ATXN8OS: variants seen among roughly 807,000 people sequenced by gnomAD.
ATXN8OS encodes ATXN8 opposite strand lncRNA.
chr13:70,151,294 C>A (rs1274403132), intron 4 of ATXN8OS, among the ~76,000 whole-genome samples: 1 of 152,050 alleles, frequency 6.6e-6, no homozygotes, highest in African/African-American at 2.4e-5. Context: ...CACAATTCTT[C>A]ATTTCTTCTT....
At chr13:70,153,662 T>C (rs1446860014) in intron 4 of ATXN8OS, among the ~76,000 whole-genome samples, 1 of 152,156 alleles carries the variant, frequency 6.6e-6, no homozygotes, top group Non-Finnish European at 1.5e-5. Context: ...TACTCTTCTT[T>C]ATTGTTGTTG....
At chr13:70,121,604 T>C (rs978265970) in intron 2 of ATXN8OS, among the ~76,000 whole-genome samples, 30 of 152,044 alleles carry the variant, frequency 2.0e-4, no homozygotes, top group African/African-American at 6.8e-4. Flanking sequence ...AGCTGGAGGG[T>C]ATTAATGCTT....
chr13:70,119,915 C>A (rs1248396941), intron 2 of ATXN8OS, among the ~76,000 whole-genome samples: 2 of 150,960 alleles, frequency 1.3e-5, no homozygotes, highest in Non-Finnish European at 1.5e-5. Context: ...AAATATTTCA[C>A]AAAAAAAAAT....
intron 1 of ATXN8OS, among the ~76,000 whole-genome samples, chr13:70,111,945 C>T (rs557482942): frequency 6.6e-6 from 1 of 152,170 alleles, no homozygotes; most frequent in African/African-American, 2.4e-5. Context: ...AATTTTTGCA[C>T]TGCTATAAAG....
intron 4 of ATXN8OS, among the ~76,000 whole-genome samples, chr13:70,159,233 T>C (rs1888973439): frequency 6.6e-6 from 1 of 152,048 alleles, no homozygotes; most frequent in African/African-American, 2.4e-5. Context: ...AATTAAATTA[T>C]ATTCATATAT....
At chr13:70,117,396 C>T (rs1476124675) in intron 2 of ATXN8OS, among the ~76,000 whole-genome samples, 2 of 152,022 alleles carry the variant, frequency 1.3e-5, no homozygotes, top group Non-Finnish European at 2.9e-5. Context: ...TTTCCTGGTG[C>T]ATTTCAAATT....
intron 1 of ATXN8OS, among the ~76,000 whole-genome samples, chr13:70,109,567 CACAAAAG>C (rs1186702868): frequency 2.6e-5 from 4 of 152,134 alleles, no homozygotes; most frequent in Non-Finnish European, 5.9e-5. Context: ...AAATTAAGTG[CACAAAAG>C]ACCTATTTTT....
intron 1 of ATXN8OS, chr13:70,108,603 G>C (rs1160565074): frequency 2.6e-5 from 4 of 152,188 alleles, no homozygotes; most frequent in Admixed American, 6.5e-5. Flanking sequence ...TTGTCCCCTT[G>C]CGTGGGTCTT....
At chr13:70,121,076 A>T (rs950747631) in intron 2 of ATXN8OS, among the ~76,000 whole-genome samples, 41 of 147,896 alleles carry the variant, frequency 2.8e-4, no homozygotes, top group Non-Finnish European at 7.6e-5. Flanking sequence ...TATAATAAAA[A>T]AAAAAGAGAG....
intron 4 of ATXN8OS, among the ~76,000 whole-genome samples, chr13:70,168,698 G>C (rs917308274): frequency 6.7e-6 from 1 of 149,288 alleles, no homozygotes; most frequent in South Asian, 2.1e-4. Context: ...TTCTATTCAT[G>C]TTGCTACAAA....
At chr13:70,168,493 A>G (rs1889105334) in intron 4 of ATXN8OS, among the ~76,000 whole-genome samples, 2 of 151,830 alleles carry the variant, frequency 1.3e-5, no homozygotes, top group Non-Finnish European at 2.9e-5. Flanking sequence ...TTGTACCATG[A>G]ACCAACTTCT....
chr13:70,122,399 T>A (rs1255535718), intron 2 of ATXN8OS, among the ~76,000 whole-genome samples: 2 of 152,016 alleles, frequency 1.3e-5, no homozygotes, highest in African/African-American at 4.8e-5. Flanking sequence ...ACTTGAGAGT[T>A]ATACAGCTCT....
chr13:70,144,001 C>A (rs924723501), intron 3 of ATXN8OS, among the ~76,000 whole-genome samples: 1 of 151,858 alleles, frequency 6.6e-6, no homozygotes, highest in African/African-American at 2.4e-5. Context: ...GATTCTATAC[C>A]TTTATTGGTT....
At chr13:70,150,128 G>A (rs908418554) in intron 4 of ATXN8OS, among the ~76,000 whole-genome samples, 42 of 152,034 alleles carry the variant, frequency 2.8e-4, no homozygotes, top group African/African-American at 8.7e-4. Flanking sequence ...AGTAAAAGAA[G>A]AATTGAAAGA....
chr13:70,139,332 C>T, intron 3 of ATXN8OS: 1 of 631,970 alleles, frequency 1.6e-6, no homozygotes, highest in Non-Finnish European at 2.7e-6. Context: ...CTGGGTCCTT[C>T]ATGTTAGAAA....
Position 70,135,553 on chromosome 13 carries a change from A to G in ATXN8OS, n.499+5669A>G, listed in dbSNP as rs376568601. 1.5e-4 allele frequency among the ~76,000 whole-genome samples: 23 copies of G among 152,184 alleles called. No homozygotes were observed. In the East Asian group the frequency reaches 3.7e-3, roughly 24 times the overall value. On this transcript the variant is annotated intron_variant and non_coding_transcript_variant, in intron 3 of 4. Coordinates refer to ENST00000678624, the Ensembl canonical transcript of ATXN8OS. The stretch of plus-strand genomic sequence containing the variant: ...ATTTCTCATATCACCTTCTTCCTTG[A>G]GTATGGACTCATGATTCTGCTTCCT...
intron 4 of ATXN8OS, among the ~76,000 whole-genome samples, chr13:70,155,283 G>A (rs1333393607): frequency 6.6e-6 from 1 of 152,134 alleles, no homozygotes; most frequent in Non-Finnish European, 1.5e-5. Context: ...CAGCCCTCAA[G>A]CTTCAAGAAA....
At chr13:70,156,175 C>T (rs644863) in intron 4 of ATXN8OS, among the ~76,000 whole-genome samples, 46,784 of 151,736 alleles carry the variant, frequency 0.31, 8,437 homozygotes, top group African/African-American at 0.5. Flanking sequence ...ACTGGCACTT[C>T]TTTCTTACTC....
intron 4 of ATXN8OS, among the ~76,000 whole-genome samples, chr13:70,167,112 T>A (rs1779170511): frequency 6.6e-6 from 1 of 151,898 alleles, no homozygotes; most frequent in Non-Finnish European, 1.5e-5. Context: ...GTGTGGCAAT[T>A]CCTCAGGGAT....
Sources: gnomAD v4.1 joint callset for allele counts (sites outside exome capture counted in the v4.1 genomes callset) on GRCh38, gnomAD v4.1.1 for gene constraint, MANE v1.5 for transcripts, NCBI Gene and HGNC (gene_info 2026-07-23, HGNC 2026-07-21) for gene names.